Variants in CCDC3 observed in about 807,000 individuals in gnomAD.
CCDC3 encodes the protein coiled-coil domain containing 3, also known as coiled-coil domain-containing protein 3.
A neutral mutation model predicts 21.4 loss-of-function variants in CCDC3; 24 were observed. The ratio of observed to expected loss-of-function variants is 1.12; its 90% confidence interval spans 0.81 to 1.58. CCDC3 has a LOEUF of 1.58. Among genes scored for constraint, CCDC3 ranks in the 40% most tolerant of loss-of-function variants. CCDC3 has a pLI of 0.00. For synonymous variants in CCDC3, 186 were observed against 166.0 expected (o/e 1.12, Z -0.93); for missense variants, 425 against 360.9 (o/e 1.18, Z -1.44).
At chr10:13,044,240 T>C (rs570683947) in intron 5 of CCDC3, among the ~76,000 whole-genome samples, 5 of 152,350 alleles carry the variant, frequency 3.3e-5, no homozygotes, top group Non-Finnish European at 4.4e-5. Context: ...AAGTTCCTTA[T>C]AGATTCCGGA....
chr10:12,978,461 G>A (rs1176914607), intron 2 of CCDC3, among the ~76,000 whole-genome samples: 1 of 152,174 alleles, frequency 6.6e-6, no homozygotes, highest in African/African-American at 2.4e-5. Context: ...AATCGGCTTT[G>A]ACTGTTTAGC....
intron 2 of CCDC3, among the ~76,000 whole-genome samples, chr10:12,990,700 CA>C (rs1835668363): frequency 6.6e-6 from 1 of 152,144 alleles, no homozygotes; most frequent in African/African-American, 2.4e-5. Flanking sequence ...GTGGTATTAA[CA>C]AATATGATTT....
intron 2 of CCDC3, among the ~76,000 whole-genome samples, chr10:12,925,291 G>A (rs557153966): frequency 6.6e-6 from 1 of 152,276 alleles, no homozygotes; most frequent in East Asian, 1.9e-4. Context: ...TCCCCAAACT[G>A]GGTTGTACTC....
chr10:12,994,415 A>C (rs1479297569), intron 2 of CCDC3, among the ~76,000 whole-genome samples: 1 of 135,454 alleles, frequency 7.4e-6, no homozygotes, highest in African/African-American at 2.7e-5. Context: ...AAACAAAACA[A>C]AAAAAAAAAA....
intron 5 of CCDC3, among the ~76,000 whole-genome samples, chr10:13,029,033 T>C (rs1836263451): frequency 6.6e-6 from 1 of 152,324 alleles, no homozygotes; most frequent in African/African-American, 2.4e-5. Flanking sequence ...AGTAGCCTGT[T>C]CGGCCACTAA....
chr10:12,915,951 G>T (rs1199617015), intron 2 of CCDC3, among the ~76,000 whole-genome samples: 3 of 152,262 alleles, frequency 2.0e-5, no homozygotes, highest in Non-Finnish European at 4.4e-5. Context: ...CAGGTATGGA[G>T]CCTGGGTACC....
At chr10:13,029,206 T>C (rs1373654217) in intron 5 of CCDC3, among the ~76,000 whole-genome samples, 1 of 152,146 alleles carries the variant, frequency 6.6e-6, no homozygotes, top group Non-Finnish European at 1.5e-5. Context: ...TGATACTGCC[T>C]CAGGAAGCTG....
chr10:12,925,503 C>T (rs1327598383), intron 2 of CCDC3, among the ~76,000 whole-genome samples: 1 of 152,248 alleles, frequency 6.6e-6, no homozygotes, highest in Non-Finnish European at 1.5e-5. Context: ...GCCAGTCTGC[C>T]TGAATGCCCC....
At chr10:12,953,383 A>AC (rs1317712343) in intron 2 of CCDC3, among the ~76,000 whole-genome samples, 1 of 152,032 alleles carries the variant, frequency 6.6e-6, no homozygotes, top group Non-Finnish European at 1.5e-5. Context: ...ACCCTATCAG[A>AC]CCCCCTCCCG....
intron 3 of CCDC3, among the ~76,000 whole-genome samples, chr10:13,091,759 T>G (rs66480507): frequency 0.31 from 47,151 of 150,558 alleles, 7,481 homozygotes; most frequent in South Asian, 0.36. Context: ...AACCTTTTTT[T>G]GTAGCCAAGA....
At chr10:13,017,210 G>T (rs113875297) in intron 5 of CCDC3, among the ~76,000 whole-genome samples, 4 of 151,968 alleles carry the variant, frequency 2.6e-5, no homozygotes, top group Non-Finnish European at 5.9e-5. Context: ...TAAGCCAGAT[G>T]AAGTTCTAAG....
At chr10:12,923,206 C>A (rs562202998) in intron 2 of CCDC3, among the ~76,000 whole-genome samples, 27 of 152,228 alleles carry the variant, frequency 1.8e-4, no homozygotes, top group South Asian at 1.0e-3. Context: ...GGGTGCTGTT[C>A]GTCTGTTTGG....
chr10:12,956,823 G>A (rs1017735239), intron 2 of CCDC3, among the ~76,000 whole-genome samples: 12 of 152,054 alleles, frequency 7.9e-5, no homozygotes, highest in Admixed American at 4.6e-4. Flanking sequence ...TATCCTAGCA[G>A]CCTCAGGTCA....
chr10:12,969,422 A>AAATTATGTTC (rs1206599383), intron 2 of CCDC3, among the ~76,000 whole-genome samples: 1 of 147,348 alleles, frequency 6.8e-6, no homozygotes, highest in African/African-American at 2.4e-5. Context: ...AATAGATTGG[A>AAATTATGTTC]AATTATGTTC....
chr10:13,054,200 C>T (rs1836651969), intron 4 of CCDC3, among the ~76,000 whole-genome samples: 1 of 150,712 alleles, frequency 6.6e-6, no homozygotes, highest in Non-Finnish European at 1.5e-5. Context: ...GGGCACACCT[C>T]ACCTGGTCTG....
chr10:13,002,275 A>G (rs1227748637), upstream of CCDC3, among the ~76,000 whole-genome samples: 1 of 152,224 alleles, frequency 6.6e-6, no homozygotes, highest in Non-Finnish European at 1.5e-5. Flanking sequence ...TGTACACCTG[A>G]GAAATACATT....
chr10:12,933,670 C>A (rs2131229940), intron 2 of CCDC3, among the ~76,000 whole-genome samples: 1 of 152,170 alleles, frequency 6.6e-6, no homozygotes. Context: ...GTTAGCCAGG[C>A]TGGTCTCACA....
At chr10:12,981,304 C>T (rs146860640) in intron 2 of CCDC3, among the ~76,000 whole-genome samples, 13 of 151,418 alleles carry the variant, frequency 8.6e-5, no homozygotes, top group South Asian at 2.1e-4. Flanking sequence ...CTCAGCCTCC[C>T]GAGTAGGTAG....
intron 2 of CCDC3, among the ~76,000 whole-genome samples, chr10:12,914,812 C>CT (rs1274224337): frequency 3.3e-5 from 5 of 152,086 alleles, no homozygotes; most frequent in Non-Finnish European, 7.4e-5. Flanking sequence ...AAAAAACCAA[C>CT]TCTTTATGTT....
Sources: gnomAD v4.1 joint callset for allele counts (sites outside exome capture counted in the v4.1 genomes callset) on GRCh38, gnomAD v4.1.1 for gene constraint, MANE v1.5 for transcripts, NCBI Gene and HGNC (gene_info 2026-07-23, HGNC 2026-07-21) for gene names.